The following HMCN1 variants were observed in gnomAD, a reference collection of about 807,000 sequenced individuals.
The protein encoded by HMCN1 is hemicentin-1.
Under a neutral mutation model 625.9 loss-of-function variants are expected in HMCN1, and 321 were observed. The ratio of observed to expected loss-of-function variants is 0.51; its 90% CI spans 0.47 to 0.56. HMCN1 has a LOEUF of 0.56. Ranked by LOEUF, HMCN1 falls within the 20% of genes least tolerant of loss-of-function variation. The pLI is 0.00. For synonymous variants in HMCN1, 2,425 were observed against 2,417.6 expected, an observed-to-expected ratio of 1.00 and a Z score of -0.09; for missense variants, 6,588 against 6,887.3, an observed-to-expected ratio of 0.96 and a Z score of 1.54.
At chr1:186,159,171 G>A (rs1651253361) in intron 97 of HMCN1, among the ~76,000 whole-genome samples, 2 of 151,858 alleles carry the variant, frequency 1.3e-5, no homozygotes, top group Admixed American at 1.3e-4. Context: ...GGATTCCTAG[G>A]TATTTTATTC....
At chr1:186,048,880 G>T in intron 42 of HMCN1, 41 bp downstream of exon 42, 1 of 1,195,890 alleles carries the variant, frequency 8.4e-7, no homozygotes, top group Non-Finnish European at 1.2e-6. Flanking sequence ...ATGCAGCTGT[G>T]GTTTTTTGTG....
rs1558151791 is a variant in HMCN1, at chr1:186,023,094, C to A, written c.5690C>A (p.Thr1897Lys). ...CTGTTGGAAGATGCTGGCAGATACA[C>A]ATGTGTGGCTACCAACGCAGCTGGA... ...KTLLEDAGRY[T>K]CVATNAAGET... is the part of the protein sequence containing the mutation. Residue 1897 changes from threonine (T) to lysine (K), a missense_variant, in exon 36 of 107, where the codon ACA (threonine) becomes AAA (lysine). Physicochemically the swap from Thr to Lys is moderately conservative, Grantham distance 78. Coordinates refer to ENST00000271588, the MANE Select transcript of HMCN1 (RefSeq NM_031935.3). The A allele has an allele frequency of 5.0e-6, 8 of 1,613,222 alleles. No homozygotes were observed. The highest frequency in any genetic ancestry group is 6.8e-6 in the Non-Finnish European group (8 of 1,179,326).
rs1370001343 is a variant in HMCN1 at position 186,123,203 on chromosome 1, C to T, written c.12482C>T (p.Thr4161Ile). The T allele has an allele frequency of 1.9e-6, 3 of 1,613,654 alleles. No homozygotes were observed. The highest frequency in any genetic ancestry group is 2.5e-6 in the Non-Finnish European group (3 of 1,179,854). Reference sequence around the variant, plus strand: ...GTAGCAGGATCAAGCAGCACAAGCACCAAGCTCACCGTCCATGGTAGGTTG... The same window carrying T: ...GTAGCAGGATCAAGCAGCACAAGCATCAAGCTCACCGTCCATGGTAGGTTG... The part of the protein sequence containing the change: ...ANVAGSSSTS[T>I]KLTVHVPPRI... Residue 4161 changes from threonine to isoleucine, a missense_variant, in exon 81 of 107, where the codon ACC becomes ATC. Transcript: ENST00000271588.
rs868263643 is a variant in HMCN1 at position 185,803,215 on chromosome 1, A to C, written c.269-42811A>C. On this transcript the variant is annotated intron_variant, in intron 1 of 106. Coordinates refer to ENST00000271588, the MANE Select transcript of HMCN1 (RefSeq NM_031935.3). ...AAAAAAAAAAAAAAGCAAAAAAAAA[A>C]AAAAAAAACAAAACAAGGAGGAAAT... 7.7e-3 allele frequency among the ~76,000 whole-genome samples: 974 copies of C among 126,776 alleles called. 6 individuals are homozygous for C. Among genetic ancestry groups the C allele is most frequent in the Non-Finnish European group, 9.4e-3 (629 of 67,146 alleles). The allele number at this position is 126,776 out of a possible 152,430, so 83.2% of individuals were successfully genotyped here.
In HMCN1 at chr1:186,041,130, G is replaced by C; in HGVS notation, c.6298G>C (p.Val2100Leu). The change falls in exon 40 of 107, where the codon GTA becomes CTA. Residue 2100 changes from valine to leucine, a missense_variant. By Grantham distance (32) the Val-to-Leu change is conservative. This residue lies in a region of HMCN1 where 4,628 missense variants were observed against 4,853.1 expected (regional missense o/e 0.95). Coordinates refer to ENST00000271588, the MANE Select transcript of HMCN1 (RefSeq NM_031935.3). Reference protein sequence around the residue: ...GEKQRDIDLRVYVPPNIMGEE... With the variant: ...GEKQRDIDLRLYVPPNIMGEE... Reference sequence around the variant, plus strand: ...AAAGCAAAGGGACATTGACCTCCGAGTATATGGTGAGACATTTTAGTAATT... The same window carrying C: ...AAAGCAAAGGGACATTGACCTCCGACTATATGGTGAGACATTTTAGTAATT... The C allele has an allele frequency of 1.9e-6, 3 of 1,612,428 alleles. No homozygotes were observed. Among genetic ancestry groups the C allele is most frequent in the Non-Finnish European group, 1.7e-6 (2 of 1,178,770 alleles).
chr1:186,154,916 A>G (rs1650897787), intron 97 of HMCN1, among the ~76,000 whole-genome samples: 2 of 152,096 alleles, frequency 1.3e-5, no homozygotes, highest in African/African-American at 2.4e-5. Flanking sequence ...AACATTCCAT[A>G]TTCTGTGGGG....
Position 186,088,254 on chromosome 1 carries a change from G to T in HMCN1, c.9555G>T (p.Trp3185Cys). 6.2e-7 allele frequency: 1 copy of T among 1,612,820 alleles called. No individual in the cohort carries two copies. Among genetic ancestry groups the T allele is most frequent in the Non-Finnish European group, 8.5e-7 (1 of 1,179,208 alleles). ...ATGIPPPTIA[W>C]LKNHKRIENS... ...GGATCCCACCTCCCACGATAGCATG[G>T]TTAAAGAACCACAAGCGCATAGGTA... The change falls in exon 62 of 107, where the codon TGG becomes TGT. Residue 3185 changes from tryptophan (W) to cysteine (C), a missense_variant. Physicochemically the swap from Trp to Cys is radical, Grantham distance 215. Coordinates refer to ENST00000271588, the MANE Select transcript of HMCN1 (RefSeq NM_031935.3).
intron 45 of HMCN1, among the ~76,000 whole-genome samples, chr1:186,055,998 C>G (rs1334661670): frequency 6.6e-6 from 1 of 152,010 alleles, no homozygotes; most frequent in African/African-American, 2.4e-5. Context: ...GCTGACTTAA[C>G]TGGGCTTGTA....
At chr1:185,787,423 G>A (rs974561234) in intron 1 of HMCN1, among the ~76,000 whole-genome samples, 8 of 152,184 alleles carry the variant, frequency 5.3e-5, no homozygotes, top group African/African-American at 1.7e-4. Context: ...ATTGGCAGAA[G>A]CACACCCAGT....
chr1:185,803,219 A>AAAAAAAAAAACAAAAAAAAAAAAAC (rs1658931751), intron 1 of HMCN1, among the ~76,000 whole-genome samples: 1 of 146,432 alleles, frequency 6.8e-6, no homozygotes, highest in Non-Finnish European at 1.5e-5. Flanking sequence ...AAAAAAAAAA[A>AAAAAAAAAAACAAAAAAAAAAAAAC]AAAACAAAAC....
At chr1:186,123,847 A>G (rs1336264130) in intron 81 of HMCN1, among the ~76,000 whole-genome samples, 3 of 152,130 alleles carry the variant, frequency 2.0e-5, no homozygotes, top group Non-Finnish European at 2.9e-5. Flanking sequence ...AGAGGTAATT[A>G]TTATAATGAG....
At position 185,846,080 on chromosome 1, in the gene HMCN1, G is replaced by A. The variant is rs571498680; in HGVS notation, c.323G>A (p.Arg108Lys). The change falls in exon 2 of 107, where the codon AGA becomes AAA. Residue 108 changes from arginine to lysine, a missense_variant. Around this residue, in one of 3 missense-constraint regions of HMCN1, gnomAD observed 4,628 missense variants for 4,853.1 expected, o/e 0.95. Transcript: ENST00000271588. ...CCCAAGAAATTTCAATATGAACTCA[G>A]AGAACTGTATGTTCAGGTGAGTGCT... Reference protein sequence around the residue: ...TDPKKFQYELRELYVQGGGDC... With the variant: ...TDPKKFQYELKELYVQGGGDC... 1.1e-5 allele frequency: 18 copies of A among 1,611,094 alleles called. No individual in the cohort carries two copies. In the East Asian group the frequency reaches 3.8e-4, roughly 34 times the overall value.
At chr1:186,030,816 T>C (rs779548698) in intron 36 of HMCN1, among the ~76,000 whole-genome samples, 1 of 151,998 alleles carries the variant, frequency 6.6e-6, no homozygotes. Flanking sequence ...TATTGCTTCT[T>C]TTACATTTTT....
chr1:186,013,364 C>T (rs1010026241), intron 30 of HMCN1, among the ~76,000 whole-genome samples: 17 of 152,128 alleles, frequency 1.1e-4, no homozygotes, highest in African/African-American at 3.6e-4. Context: ...AGTTGATTGA[C>T]GCTGATATTT....
intron 4 of HMCN1, among the ~76,000 whole-genome samples, chr1:185,900,418 G>A (rs1665736355): frequency 6.6e-6 from 1 of 151,896 alleles, no homozygotes; most frequent in Non-Finnish European, 1.5e-5. Context: ...AAAGATTAGA[G>A]GGGATCTGGA....
intron 19 of HMCN1, 48 bp downstream of exon 19, chr1:185,984,361 G>A: frequency 6.4e-7 from 1 of 1,571,174 alleles, no homozygotes; most frequent in Non-Finnish European, 8.8e-7. Flanking sequence ...GTTCAAAGTA[G>A]TTGTTCTTAT....
chr1:185,828,287 T>C (rs1660646928), intron 1 of HMCN1, among the ~76,000 whole-genome samples: 2 of 152,090 alleles, frequency 1.3e-5, no homozygotes, highest in Non-Finnish European at 2.9e-5. Context: ...GCATAGTAAA[T>C]ACATGTATTT....
At chr1:185,764,948 T>C (rs1655774904) in intron 1 of HMCN1, among the ~76,000 whole-genome samples, 1 of 152,182 alleles carries the variant, frequency 6.6e-6, no homozygotes, top group Non-Finnish European at 1.5e-5. Context: ...AGGCAATGCC[T>C]GAAGAGCATC....
At chr1:186,165,993 C>T (rs1295573714) in intron 98 of HMCN1, among the ~76,000 whole-genome samples, 191 bp from the exon 99 acceptor site, 2 of 152,316 alleles carry the variant, frequency 1.3e-5, no homozygotes, top group East Asian at 3.9e-4. Context: ...CATCTATTCA[C>T]TATCAAGGAT....
Sources: allele counts gnomAD v4.1 joint callset (sites outside exome capture counted in the v4.1 genomes callset), GRCh38; gene constraint gnomAD v4.1.1; regional missense constraint gnomAD v4.1.1; transcripts MANE v1.5; gene names NCBI Gene and HGNC (gene_info 2026-07-23, HGNC 2026-07-21).